CCNY: variants seen among roughly 807,000 people sequenced by gnomAD.
CCNY encodes cyclin Y, also known as cyclin-Y.
Under a neutral mutation model 42.8 loss-of-function variants are expected in CCNY, and 19 were observed. That is an observed-to-expected ratio of 0.44 (90% CI 0.31 to 0.65). The LOEUF (loss-of-function observed/expected upper bound fraction) is 0.65, where lower values mean the gene tolerates loss of function less well. CCNY is among the 30% of genes least tolerant of loss of function. CCNY has a pLI of 0.07. For synonymous variants in CCNY, 165 were observed against 162.7 expected, an observed-to-expected ratio of 1.01 and a Z score of -0.11; for missense variants, 370 against 437.3, an observed-to-expected ratio of 0.85 and a Z score of 1.37.
intron 4 of CCNY, among the ~76,000 whole-genome samples, chr10:35,518,847 T>C (rs527450320): frequency 8.1e-6 from 1 of 122,808 alleles, no homozygotes; most frequent in Non-Finnish European, 1.7e-5. Context: ...TGAGGTATGC[T>C]GTGAGTATCT....
At chr10:35,471,866 T>C (rs926684189) in intron 1 of CCNY, among the ~76,000 whole-genome samples, 2 of 152,224 alleles carry the variant, frequency 1.3e-5, no homozygotes, top group African/African-American at 4.8e-5. Context: ...CCTTTTCCTC[T>C]AAAGCATTAC....
At chr10:35,356,515 C>T (rs1191312598) in intron 1 of CCNY, among the ~76,000 whole-genome samples, 3 of 152,126 alleles carry the variant, frequency 2.0e-5, no homozygotes, top group Non-Finnish European at 4.4e-5. Context: ...GATGTGGCAA[C>T]GGGAAGCGTG....
chr10:35,398,533 C>T (rs1837573874), intron 1 of CCNY, among the ~76,000 whole-genome samples: 1 of 151,998 alleles, frequency 6.6e-6, no homozygotes, highest in Non-Finnish European at 1.5e-5. Context: ...CTGCTGGGAC[C>T]AACAGCTGTG....
intron 7 of CCNY, among the ~76,000 whole-genome samples, chr10:35,531,167 C>A (rs1840756362): frequency 1.3e-5 from 2 of 152,314 alleles, no homozygotes; most frequent in African/African-American, 4.8e-5. Flanking sequence ...CCCTTTTTGT[C>A]ACTGACCTTT....
intron 1 of CCNY, among the ~76,000 whole-genome samples, chr10:35,343,431 C>T (rs1232233772): frequency 8.1e-6 from 1 of 123,716 alleles, no homozygotes; most frequent in Non-Finnish European, 1.6e-5. Flanking sequence ...CTCTTATTGC[C>T]CAGGCTGGAG....
At position 35,410,189 on chromosome 10, in the gene CCNY, C is replaced by G. The variant is rs149436004; in HGVS notation, c.154+72982C>G. The stretch of plus-strand genomic sequence containing the variant: ...GAACAGTGTCAAAGCTTGGAATAAG[C>G]TGAGCCTTACACAAATGCTAAAGAC... On this transcript the variant is annotated intron_variant, in intron 1 of 9. Transcript: ENST00000374704. Among the ~76,000 whole-genome samples the G allele has an allele frequency of 7.2e-5, 11 of 152,060 alleles. No individual in the cohort carries two copies. In the East Asian group the frequency reaches 2.1e-3, roughly 29 times the overall value.
chr10:35,262,598 G>GTGA (rs2095720875), intron 3 of CCNY, among the ~76,000 whole-genome samples: 1 of 152,178 alleles, frequency 6.6e-6, no homozygotes, highest in Admixed American at 6.6e-5. Context: ...CTGACCTCAT[G>GTGA]TGATGCATCC....
intron 1 of CCNY, among the ~76,000 whole-genome samples, chr10:35,414,388 A>C (rs958822532): frequency 6.6e-6 from 1 of 152,218 alleles, no homozygotes; most frequent in Non-Finnish European, 1.5e-5. Flanking sequence ...AGGCTGCCCC[A>C]CGTTCCGTGT....
chr10:35,351,951 C>T (rs1364523001), intron 1 of CCNY, among the ~76,000 whole-genome samples: 2 of 152,184 alleles, frequency 1.3e-5, no homozygotes, highest in African/African-American at 4.8e-5. Flanking sequence ...TGGGAGCAGT[C>T]ACTGAGCTCC....
At chr10:35,314,450 T>TG (rs1221021094) in intron 3 of CCNY, 2 of 151,972 alleles carry the variant, frequency 1.3e-5, no homozygotes, top group African/African-American at 4.8e-5. Context: ...ATGATTCAAT[T>TG]ATCTCCCACA....
chr10:35,413,020 C>T (rs946273064), intron 1 of CCNY, among the ~76,000 whole-genome samples: 1 of 151,898 alleles, frequency 6.6e-6, no homozygotes, highest in Non-Finnish European at 1.5e-5. Flanking sequence ...CTCCAGTGTC[C>T]AGAACAGTGT....
chr10:35,338,211 C>T (rs1404948892), intron 1 of CCNY, among the ~76,000 whole-genome samples: 1 of 152,116 alleles, frequency 6.6e-6, no homozygotes, highest in Non-Finnish European at 1.5e-5. Context: ...TAATTCGTTC[C>T]TGTCCACTTT....
intron 3 of CCNY, among the ~76,000 whole-genome samples, chr10:35,303,514 G>A (rs1034179946): frequency 2.6e-5 from 4 of 150,966 alleles, no homozygotes; most frequent in South Asian, 2.1e-4. Flanking sequence ...ATGGTGGCTC[G>A]TGCCTGTAAT....
intron 3 of CCNY, among the ~76,000 whole-genome samples, chr10:35,261,008 G>A (rs1024745610): frequency 1.3e-5 from 2 of 152,146 alleles, no homozygotes; most frequent in African/African-American, 2.4e-5. Flanking sequence ...CTACATGGGA[G>A]GCCAAAGTGG....
intron 3 of CCNY, among the ~76,000 whole-genome samples, chr10:35,311,392 TTTGG>T (rs1835681939): frequency 6.6e-6 from 1 of 151,718 alleles, no homozygotes; most frequent in Non-Finnish European, 1.5e-5. Flanking sequence ...AAAAATTATT[TTTGG>T]TTGAGCACAG....
At chr10:35,381,157 T>A (rs997885634) in intron 1 of CCNY, among the ~76,000 whole-genome samples, 3 of 152,248 alleles carry the variant, frequency 2.0e-5, no homozygotes, top group African/African-American at 7.2e-5. Context: ...ATGTCGGTGA[T>A]ATTCTTTCCC....
At chr10:35,396,038 C>A (rs113676153) in intron 1 of CCNY, among the ~76,000 whole-genome samples, 3 of 151,990 alleles carry the variant, frequency 2.0e-5, no homozygotes, top group Admixed American at 2.0e-4. Context: ...CTCTTTTTGC[C>A]TCTGTGAATG....
chr10:35,516,417 A>T (rs1291601286), intron 3 of CCNY, 106 bp from the exon 4 acceptor site: 6 of 738,518 alleles, frequency 8.1e-6, no homozygotes, highest in East Asian at 2.6e-5. Context: ...TCTTGCTAAG[A>T]CATTTTTCCT....
chr10:35,362,946 G>A (rs1323058543), intron 1 of CCNY, among the ~76,000 whole-genome samples: 2 of 151,936 alleles, frequency 1.3e-5, no homozygotes, highest in African/African-American at 2.4e-5. Context: ...CCAGATGGTC[G>A]GTGGCCGTAC....
Sources: gnomAD v4.1 joint callset for allele counts (sites outside exome capture counted in the v4.1 genomes callset) on GRCh38, gnomAD v4.1.1 for gene constraint, MANE v1.5 for transcripts, NCBI Gene and HGNC (gene_info 2026-07-23, HGNC 2026-07-21) for gene names.